The following DHX30 variants were observed in gnomAD, a reference collection of about 807,000 sequenced individuals.
DHX30 encodes DExH-box helicase 30.
Under a neutral mutation model 116.9 loss-of-function variants are expected in DHX30, and 4 were observed. That is an observed-to-expected ratio of 0.03 (90% CI 0.02 to 0.08). The LOEUF is 0.08. DHX30 is among the 10% of genes least tolerant of loss of function. DHX30 has a pLI of 1.00. For missense variants in DHX30, 871 were observed against 1,595.1 expected, an observed-to-expected ratio of 0.55 and a Z score of 7.73; for synonymous variants, 697 against 651.7, an observed-to-expected ratio of 1.07 and a Z score of -1.06.
At chr3:47,808,207 CCTTA>C (rs987244250) in intron 2 of DHX30, among the ~76,000 whole-genome samples, 10 of 151,270 alleles carry the variant, frequency 6.6e-5, no homozygotes, top group African/African-American at 2.2e-4. Context: ...ACTGCACCCG[CCTTA>C]CTTTTTGTTT....
intron 3 of DHX30, among the ~76,000 whole-genome samples, chr3:47,815,780 C>A (rs2106959699): frequency 1.9e-5 from 2 of 104,852 alleles, no homozygotes; most frequent in South Asian, 3.7e-4. Context: ...ACAGCCAGCA[C>A]AAAACTTTGA....
chr3:47,815,393 G>T (rs1230045850), intron 3 of DHX30, among the ~76,000 whole-genome samples: 1 of 152,130 alleles, frequency 6.6e-6, no homozygotes, highest in Non-Finnish European at 1.5e-5. Flanking sequence ...CTGCTGTGTA[G>T]GAGACACTAG....
At position 47,848,380 on chromosome 3, in the gene DHX30, G is replaced by A. The variant is rs138494479; in HGVS notation, c.2487G>A (p.Glu829=). The part of the protein sequence containing the change: ...LVLQAKIHMP[E]KTAVEFLSKA... Reference sequence around the variant, plus strand: ...TGCAAGCGAAAATCCACATGCCTGAGAAGACGGTGCGGCGGGGCGGGGCAG... The same window carrying A: ...TGCAAGCGAAAATCCACATGCCTGAAAAGACGGTGCGGCGGGGCGGGGCAG... The change falls in exon 15 of 22, where the codon GAG becomes GAA. Residue 829 remains glutamate, a synonymous_variant. Transcript: ENST00000445061. The surrounding 1 kb of genome is among the most constrained non-coding windows in gnomAD (Gnocchi z 9.4). The A allele has an allele frequency of 7.4e-6, 12 of 1,614,164 alleles. No individual in the cohort carries two copies. The highest frequency in any genetic ancestry group is 3.3e-5 in the South Asian group (3 of 91,086).
Position 47,849,171 on chromosome 3 carries a change from C to T in DHX30, c.2930-21C>T, listed in dbSNP as rs757420988. On this transcript the variant is annotated intron_variant, in intron 18 of 21. Coordinates refer to ENST00000445061, the MANE Select transcript of DHX30 (RefSeq NM_138615.3). Reference sequence around the variant, plus strand: ...CCTGTGGCTAGGGGCTGTAGGTCCACCACACATTCTGTCTCCCTAGGACTC... The same window carrying T: ...CCTGTGGCTAGGGGCTGTAGGTCCATCACACATTCTGTCTCCCTAGGACTC... 3 of 1,613,552 alleles carry T rather than the reference C, an allele frequency of 1.9e-6. No homozygotes were observed. In the African/African-American group the frequency reaches 4.0e-5, roughly 22 times the overall value.
chr3:47,833,084 A>G (rs2036936953), intron 6 of DHX30, among the ~76,000 whole-genome samples: 1 of 151,800 alleles, frequency 6.6e-6, no homozygotes, highest in Admixed American at 6.6e-5. Context: ...GGCTCCTGGC[A>G]TAATTATTTT....
chr3:47,825,906 A>T (rs1195430069), intron 4 of DHX30: 1 of 151,208 alleles, frequency 6.6e-6, no homozygotes, highest in Non-Finnish European at 1.5e-5. Flanking sequence ...CTTGACTCTT[A>T]GTTGCTTTAC....
In DHX30 at chr3:47,835,348, A is replaced by C. The variant is rs372273474; in HGVS notation, c.367-5529A>C. Among the ~76,000 whole-genome samples, 14 of 151,890 alleles carry C rather than the reference A, an allele frequency of 9.2e-5. No individual in the cohort carries two copies. The East Asian group carries it at 2.7e-3, about 29-fold the overall frequency. On this transcript the variant is annotated intron_variant, in intron 6 of 21. Coordinates refer to ENST00000445061, the MANE Select transcript of DHX30 (RefSeq NM_138615.3). ...ACCACGCCTGGAATTTTGTATTTTT[A>C]CTAGAGATGGGGTTTCTCCATGTTG...
intron 2 of DHX30, among the ~76,000 whole-genome samples, chr3:47,809,120 A>G (rs2035667764): frequency 6.7e-6 from 1 of 149,378 alleles, no homozygotes; most frequent in Admixed American, 6.7e-5. Context: ...TTTAAGTAAT[A>G]TTCACTTAAA....
chr3:47,848,454 C>G lies in DHX30; in HGVS notation c.2494-15C>G. ...GTGGGAGGCAGGCTCATGGCGGGCT[C>G]TGGCTCTGTCATAGGCGGTGGAGTT... On this transcript the variant is annotated splice_polypyrimidine_tract_variant and intron_variant, in intron 15 of 21. Transcript: ENST00000445061. The surrounding 1 kb of genome is among the most constrained non-coding windows in gnomAD (Gnocchi z 9.4). 30 of 1,614,010 alleles carry G rather than the reference C, an allele frequency of 1.9e-5. No individual in the cohort carries two copies. The highest frequency in any genetic ancestry group is 2.5e-5 in the Non-Finnish European group (30 of 1,179,994).
intron 3 of DHX30, chr3:47,816,358 T>TC (rs897512032): frequency 4.1e-5 from 19 of 465,588 alleles, no homozygotes; most frequent in Middle Eastern, 1.1e-3. Context: ...GCCGTCTTCT[T>TC]TTTTTTTTTT....
chr3:47,803,462 C>T (rs770328781), intron 1 of DHX30, among the ~76,000 whole-genome samples: 35 of 152,148 alleles, frequency 2.3e-4, no homozygotes, highest in Non-Finnish European at 3.2e-4. Flanking sequence ...GGGGCCAGAC[C>T]GGTCCGCCGG....
At chr3:47,835,654 C>T (rs1241767611) in intron 6 of DHX30, among the ~76,000 whole-genome samples, 1 of 152,016 alleles carries the variant, frequency 6.6e-6, no homozygotes, top group Non-Finnish European at 1.5e-5. Context: ...GTTGGCTAGG[C>T]TGGTCTCAAA....
intron 6 of DHX30, among the ~76,000 whole-genome samples, chr3:47,835,050 C>T (rs776051169): frequency 5.3e-5 from 8 of 152,040 alleles, no homozygotes; most frequent in Non-Finnish European, 1.0e-4. Context: ...GTTGCCCAGG[C>T]TAGAGTGCAG....
chr3:47,822,475 AAGAC>A (rs2036340715), intron 4 of DHX30, among the ~76,000 whole-genome samples: 1 of 26,772 alleles, frequency 3.7e-5, no homozygotes. Flanking sequence ...ACAAGAGAGA[AAGAC>A]AGAACCAAGT....
chr3:47,811,520 T>C (rs1474206682), intron 3 of DHX30, among the ~76,000 whole-genome samples: 1 of 152,082 alleles, frequency 6.6e-6, no homozygotes, highest in South Asian at 2.1e-4. Flanking sequence ...GGAAGTTGGA[T>C]TGAGTCTGTA....
rs1206706340 is a variant in DHX30 at position 47,846,829 on chromosome 3, G to A, written c.1757G>A (p.Arg586Gln). 1 of 1,612,554 alleles carries A rather than the reference G, an allele frequency of 6.2e-7. No homozygotes were observed. The highest frequency in any genetic ancestry group is 8.5e-7 in the Non-Finnish European group (1 of 1,179,710). ...KGLQRLNPAL[R>Q]LVLMSATGDN... ...CTGCAGCGGCTCAACCCGGCCCTGC[G>A]GCTGGTGCTCATGAGTGCCACAGGG... Residue 586 changes from arginine (R) to glutamine (Q), a missense_variant, in exon 11 of 22, where the codon CGG becomes CAG. Arg to Gln is a conservative substitution (Grantham distance 43). Around this residue, in one of 13 missense-constraint regions of DHX30, gnomAD observed 22 missense variants for 18.8 expected, o/e 1.17. Transcript: ENST00000445061.
chr3:47,804,974 A>G (rs1256879166), intron 1 of DHX30, among the ~76,000 whole-genome samples: 1 of 152,220 alleles, frequency 6.6e-6, no homozygotes, highest in Non-Finnish European at 1.5e-5. Context: ...TAGCTTCTTT[A>G]TGTTAGATTA....
At chr3:47,806,983 G>A (rs959351878) in intron 2 of DHX30, among the ~76,000 whole-genome samples, 11 of 150,898 alleles carry the variant, frequency 7.3e-5, no homozygotes, top group East Asian at 2.0e-4. Context: ...TGAGGCGGGC[G>A]GATCACAAGG....
intron 6 of DHX30, among the ~76,000 whole-genome samples, chr3:47,837,573 C>T (rs529922491): frequency 3.3e-5 from 5 of 152,178 alleles, no homozygotes; most frequent in Admixed American, 2.0e-4. Context: ...GCAGCCTGGC[C>T]GACATGGTGA....
Sources: allele counts gnomAD v4.1 joint callset (sites outside exome capture counted in the v4.1 genomes callset), GRCh38; gene constraint gnomAD v4.1.1; regional missense constraint gnomAD v4.1.1; non-coding constraint Gnocchi (gnomAD v3.1); transcripts MANE v1.5; gene names NCBI Gene and HGNC (gene_info 2026-07-23, HGNC 2026-07-21).